Variants in IGSF10 observed in about 807,000 individuals in gnomAD.
IGSF10 encodes calvaria mechanical force protein 608.
Under a neutral mutation model 128.2 loss-of-function variants are expected in IGSF10, and 126 were observed. The observed-to-expected ratio is 0.98, with a 90% CI of 0.85 to 1.14. IGSF10 has a LOEUF of 1.14. Among genes scored for constraint, IGSF10 ranks in the 50% most tolerant of loss-of-function variants. IGSF10 has a pLI of 0.00. For missense variants in IGSF10, 3,295 were observed against 3,149.8 expected, an observed-to-expected ratio of 1.05 and a Z score of -1.10; for synonymous variants, 1,185 against 1,146.2, an observed-to-expected ratio of 1.03 and a Z score of -0.68.
In IGSF10 at chr3:151,446,557, C is replaced by T; in HGVS notation, c.3424G>A (p.Val1142Ile). Residue 1142 changes from valine (V) to isoleucine (I), a missense_variant, in exon 6 of 8, where the codon GTC becomes ATC. By Grantham distance (29) the Val-to-Ile change is conservative. Coordinates refer to ENST00000282466, the MANE Select transcript of IGSF10 (RefSeq NM_178822.5). Reference sequence around the variant, plus strand: ...ATGGATGTTGGAGCATATGTCATGACTGCACCAGTTGGAGTCACTTGGGAA... The same window carrying T: ...ATGGATGTTGGAGCATATGTCATGATTGCACCAGTTGGAGTCACTTGGGAA... ...EISQVTPTGA[V>I]MTYAPTSIPM... The T allele has an allele frequency of 6.2e-7, 1 of 1,614,068 alleles. No individual in the cohort carries two copies. Among genetic ancestry groups the T allele is most frequent in the Non-Finnish European group, 8.5e-7 (1 of 1,179,930 alleles).
the IGSF10 span, among the ~76,000 whole-genome samples, chr3:151,600,399 C>A: frequency 0.23 from 35,067 of 151,982 alleles, 4,342 homozygotes; most frequent in South Asian, 0.47. Context: ...CATGTCTACA[C>A]GTATTATTTT....
At chr3:151,442,039 C>T (rs960861725) in intron 7 of IGSF10, among the ~76,000 whole-genome samples, 3 of 152,100 alleles carry the variant, frequency 2.0e-5, no homozygotes, top group Non-Finnish European at 4.4e-5. Context: ...CCAGCCTGGG[C>T]GACAGTGCGA....
the IGSF10 span, among the ~76,000 whole-genome samples, chr3:151,597,731 A>T: frequency 6.6e-6 from 1 of 152,118 alleles, no homozygotes; most frequent in Non-Finnish European, 1.5e-5. Context: ...AGCCTGGCCA[A>T]TATGGTGAAA....
intron 3 of IGSF10, among the ~76,000 whole-genome samples, chr3:151,457,877 G>A (rs1238865227): frequency 6.6e-6 from 1 of 151,930 alleles, no homozygotes; most frequent in Non-Finnish European, 1.5e-5. Flanking sequence ...TCTTTTTAAC[G>A]ATCAATACAC....
Position 151,460,288 on chromosome 3 carries a change from C to T in IGSF10, c.-29G>A. 1.0e-6 allele frequency: 1 copy of T among 981,614 alleles called. No homozygotes were observed. The highest frequency in any genetic ancestry group is 1.2e-6 in the Non-Finnish European group (1 of 826,442). 60.8% of individuals were successfully genotyped at this position (981,614 alleles called of 1,614,324 possible). A position where few individuals can be genotyped will look rare whatever the true frequency, so the allele number is the denominator to read the frequency against. ...GAGCTCTTCTTTCAGGTCCTGAGTC[C>T]TCTTGTGACATAGGCAGAGACAGAA... is the stretch of plus-strand genomic sequence containing the variant. On this transcript the variant is annotated 5_prime_UTR_variant, in exon 2 of 8. Transcript: ENST00000282466.
the IGSF10 span, among the ~76,000 whole-genome samples, chr3:151,616,602 T>C: frequency 6.6e-6 from 1 of 152,142 alleles, no homozygotes; most frequent in Non-Finnish European, 1.5e-5. Context: ...ACTAATATAT[T>C]TGGGCACATA....
rs561757162 is a variant in IGSF10 at position 151,437,050 on chromosome 3, T to C, written c.7511A>G (p.Tyr2504Cys). The C allele has an allele frequency of 2.3e-4, 373 of 1,614,144 alleles. 3 individuals carry two copies. The South Asian group carries it at 3.8e-3, about 17-fold the overall frequency. ...AACACTATTTTGAGCCTTACAGATATAGTTTCCTCTGTCATAAGCTGTTGC... is the reference window on the plus strand; with the variant it reads ...AACACTATTTTGAGCCTTACAGATACAGTTTCCTCTGTCATAAGCTGTTGC... ...KEATAYDRGNYICKAQNSVGH... is the reference protein window; with the variant it reads ...KEATAYDRGNCICKAQNSVGH... Residue 2504 changes from tyrosine to cysteine, a missense_variant, in exon 8 of 8, where the codon TAT becomes TGT. By Grantham distance (194) the Tyr-to-Cys change is radical. Coordinates refer to ENST00000282466, the MANE Select transcript of IGSF10 (RefSeq NM_178822.5).
chr3:151,561,561 T>C, the IGSF10 span, among the ~76,000 whole-genome samples: 4 of 152,152 alleles, frequency 2.6e-5, no homozygotes, highest in Non-Finnish European at 5.9e-5. Context: ...GTTTTATTCA[T>C]CTCTATGTAA....
chr3:151,600,435 G>T, the IGSF10 span, among the ~76,000 whole-genome samples: 1 of 152,070 alleles, frequency 6.6e-6, no homozygotes, highest in Non-Finnish European at 1.5e-5. Context: ...AATGTACTCT[G>T]CAAACTATAC....
At chr3:151,536,776 T>C in the IGSF10 span, among the ~76,000 whole-genome samples, 9 of 152,346 alleles carry the variant, frequency 5.9e-5, no homozygotes, top group South Asian at 1.7e-3. Flanking sequence ...TAATTTAATA[T>C]GGGCCAATAT....
the IGSF10 span, among the ~76,000 whole-genome samples, chr3:151,592,221 TAC>T: frequency 0.091 from 13,622 of 150,278 alleles, 723 homozygotes; most frequent in Non-Finnish European, 0.13. Context: ...TTGAGATTAA[TAC>T]ACACACACAC....
chr3:151,509,857 C>T, the IGSF10 span, among the ~76,000 whole-genome samples: 6 of 152,328 alleles, frequency 3.9e-5, no homozygotes, highest in Admixed American at 6.5e-5. Flanking sequence ...GGGTCTTACA[C>T]CCACAGAGCC....
At chr3:151,597,092 C>T in the IGSF10 span, among the ~76,000 whole-genome samples, 14 of 151,960 alleles carry the variant, frequency 9.2e-5, no homozygotes, top group East Asian at 3.8e-4. Flanking sequence ...TCCAAACACA[C>T]GATTGTCTCA....
the IGSF10 span, among the ~76,000 whole-genome samples, chr3:151,511,434 C>CT: frequency 6.6e-6 from 1 of 152,178 alleles, no homozygotes; most frequent in Non-Finnish European, 1.5e-5. Context: ...TTGTCACTAT[C>CT]AGGCCTGCCC....
chr3:151,446,673 G>T lies in IGSF10; in HGVS notation c.3308C>A (p.Thr1103Lys). The part of the protein sequence containing the change: ...DIARVPSEES[T>K]TLVQNPLLLL... ...TAATAGTGGATTCTGGACTAGAGTT[G>T]TAGACTCTTCTGATGGGACTCTAGC... Residue 1103 changes from threonine (T) to lysine (K), a missense_variant, in exon 6 of 8, where the codon ACA becomes AAA. Physicochemically the swap from Thr to Lys is moderately conservative, Grantham distance 78 (BLOSUM62 -1). Transcript: ENST00000282466. 3 of 1,613,652 alleles carry T rather than the reference G, an allele frequency of 1.9e-6. No homozygotes were observed. The African/African-American group carries it at 4.0e-5, about 22-fold the overall frequency.
chr3:151,617,240 C>CT, the IGSF10 span, among the ~76,000 whole-genome samples: 1 of 112,980 alleles, frequency 8.9e-6, no homozygotes, highest in Non-Finnish European at 1.7e-5. Flanking sequence ...CTTCTTCTTC[C>CT]TCCTCCTCTT....
At chr3:151,542,712 T>G in the IGSF10 span, among the ~76,000 whole-genome samples, 7 of 152,360 alleles carry the variant, frequency 4.6e-5, 1 homozygote, top group South Asian at 1.4e-3. Flanking sequence ...TCTTATAGTT[T>G]CTGATTTGGG....
intron 4 of IGSF10, among the ~76,000 whole-genome samples, chr3:151,456,012 TG>T (rs1263742646): frequency 6.6e-6 from 1 of 152,238 alleles, no homozygotes; most frequent in Non-Finnish European, 1.5e-5. Context: ...AGAAGAGCTT[TG>T]CCCCAAATGT....
At chr3:151,599,061 G>C in the IGSF10 span, among the ~76,000 whole-genome samples, 2 of 152,162 alleles carry the variant, frequency 1.3e-5, no homozygotes, top group African/African-American at 4.8e-5. Context: ...ATGTGGATAG[G>C]GTGTGTGGAG....
Sources: allele counts gnomAD v4.1 joint callset (sites outside exome capture counted in the v4.1 genomes callset), GRCh38; gene constraint gnomAD v4.1.1; transcripts MANE v1.5; gene names NCBI Gene and HGNC (gene_info 2026-07-23, HGNC 2026-07-21).